The following ENTPD7 variants were observed in gnomAD, a reference collection of about 807,000 sequenced individuals.
ENTPD7 encodes NTPDase 7.
ENTPD7 carries 53 observed loss-of-function variants against 77.9 expected under a neutral mutation model. The ratio of observed to expected loss-of-function variants is 0.68; its 90% confidence interval spans 0.55 to 0.85. The LOEUF (loss-of-function observed/expected upper bound fraction) is 0.85, where lower values mean the gene tolerates loss of function less well. ENTPD7 is among the 40% of genes least tolerant of loss of function. ENTPD7 has a pLI of 0.00. For synonymous variants in ENTPD7, 248 were observed against 274.9 expected (o/e 0.90, Z 0.97); for missense variants, 636 against 743.7 (o/e 0.86, Z 1.68).
chr10:99,664,245 A>G (rs561863205), intron 3 of ENTPD7, among the ~76,000 whole-genome samples: 1 of 152,140 alleles, frequency 6.6e-6, no homozygotes, highest in African/African-American at 2.4e-5. Context: ...ATTATCTTCA[A>G]CATGATTTTC....
chr10:99,661,649 G>T, intron 3 of ENTPD7, 21 bp downstream of exon 3: 2 of 1,576,480 alleles, frequency 1.3e-6, no homozygotes, highest in South Asian at 1.2e-5. Context: ...TTTAGATTTT[G>T]GCACTCAAGT....
At chr10:99,675,628 G>A (rs1399410692) in intron 3 of ENTPD7, among the ~76,000 whole-genome samples, 12 of 135,242 alleles carry the variant, frequency 8.9e-5, no homozygotes, top group South Asian at 6.9e-4. Flanking sequence ...ATGGAGTCTC[G>A]CTCTGTTAAC....
chr10:99,700,830 A>G, intron 10 of ENTPD7, 143 bp from the exon 11 acceptor site: 1 of 720,764 alleles, frequency 1.4e-6, no homozygotes, highest in Non-Finnish European at 2.5e-6. Flanking sequence ...CGCAGTGTTT[A>G]GTGAATGAAC....
In ENTPD7 at chr10:99,698,748, G is replaced by A. The variant is rs1394716596; in HGVS notation, c.1225G>A (p.Asp409Asn). 1.2e-6 allele frequency: 2 copies of A among 1,614,208 alleles called. No homozygotes were observed. Among genetic ancestry groups the A allele is most frequent in the Admixed American group, 1.7e-5 (1 of 60,026 alleles). Residue 409 changes from aspartate to asparagine, a missense_variant, in exon 10 of 13, where the codon GAC (aspartate) becomes AAC (asparagine). This residue lies in a region of ENTPD7 where 486 missense variants were observed against 556.5 expected (regional missense o/e 0.87). Transcript: ENST00000370489. ...SLNGIYQSPIDFNNSEFYGFS... is the reference protein window; with the variant it reads ...SLNGIYQSPINFNNSEFYGFS... ...CAATGGCATATATCAATCGCCTATT[G>A]ACTTCAACAACAGCGAGTTCTACGG...
At chr10:99,663,200 T>C (rs189086386) in intron 3 of ENTPD7, among the ~76,000 whole-genome samples, 86 of 152,372 alleles carry the variant, frequency 5.6e-4, no homozygotes, top group African/African-American at 1.9e-3. Flanking sequence ...AAAGTCCCTA[T>C]TTTGCTTTCC....
In ENTPD7 at chr10:99,679,305, AC is replaced by A; in HGVS notation, c.239del (p.Pro80GlnfsTer3). ...VGELEATDTEDPNLNYGLVVD... is the reference protein window; with the variant it reads ...VGELEATDTEXPNLNYGLVVD... ...GAGCTTGAAGCTACTGACACTGAAG[AC>A]CCAAATCTGAATTATGGACTTGTTG... On this transcript the variant is annotated frameshift_variant, in exon 4 of 13. Coordinates refer to ENST00000370489, the MANE Select transcript of ENTPD7 (RefSeq NM_020354.5). LOFTEE classifies it high-confidence loss of function. The A allele has an allele frequency of 6.2e-7, 1 of 1,614,114 alleles. No individual in the cohort carries two copies. Among genetic ancestry groups the A allele is most frequent in the Non-Finnish European group, 8.5e-7 (1 of 1,180,022 alleles).
intron 11 of ENTPD7, among the ~76,000 whole-genome samples, 197 bp downstream of exon 11, chr10:99,701,255 CAG>C (rs1258237887): frequency 6.6e-6 from 1 of 151,464 alleles, no homozygotes; most frequent in African/African-American, 2.4e-5. Context: ...GGTTACCAAA[CAG>C]AGTTCTCAAC....
Position 99,660,248 on chromosome 10 carries a change from G to C in ENTPD7, c.8+284G>C, listed in dbSNP as rs905359389. 1.6e-5 allele frequency: 15 copies of C among 914,718 alleles called. No individual in the cohort carries two copies. The African/African-American group carries it at 2.7e-4, about 16-fold the overall frequency. The allele number at this position is 914,718 out of a possible 1,614,324, so 56.7% of individuals were successfully genotyped here. A position where few individuals can be genotyped will look rare whatever the true frequency, so the allele number is the denominator to read the frequency against. On this transcript the variant is annotated intron_variant, in intron 2 of 12. Transcript: ENST00000370489. ...TCAGATTCGCATCTGAGCAAGGCTA[G>C]GTGCCACTTGAGGAGGTTAAACAAA...
chr10:99,681,917 A>G (rs2133463809), intron 5 of ENTPD7, among the ~76,000 whole-genome samples: 1 of 152,316 alleles, frequency 6.6e-6, no homozygotes, highest in South Asian at 2.1e-4. Context: ...AGTTTCTAAA[A>G]TATTTTAAAG....
In ENTPD7 at chr10:99,702,635, G is replaced by C; in HGVS notation, c.1545G>C (p.Leu515=). Residue 515 remains leucine (L), a synonymous_variant, in exon 12 of 13, where the codon CTG becomes CTC. Transcript: ENST00000370489. ...LVYDREVQWT[L]GAILYKTRFL... ...ATGACCGAGAGGTTCAGTGGACGCT[G>C]GGAGCCATTCTATATAAAACACGAT... The C allele has an allele frequency of 6.2e-7, 1 of 1,613,598 alleles. No individual in the cohort carries two copies. Among genetic ancestry groups the C allele is most frequent in the Non-Finnish European group, 8.5e-7 (1 of 1,179,836 alleles).
chr10:99,700,306 C>T (rs920170797), intron 10 of ENTPD7, among the ~76,000 whole-genome samples: 1 of 152,082 alleles, frequency 6.6e-6, no homozygotes, highest in East Asian at 1.9e-4. Context: ...TCTGGGACCA[C>T]TCTATCCAAA....
At position 99,679,342 on chromosome 10, in the gene ENTPD7, C is replaced by T. The variant is rs769032311; in HGVS notation, c.273C>T (p.Gly91=). The stretch of plus-strand genomic sequence containing the variant: ...ATTATGGACTTGTTGTTGACTGTGG[C>T]AGCAGTGGTTCCCGGATTTTTGTTT... ...NLNYGLVVDC[G]SSGSRIFVYF... is the part of the protein sequence containing the mutation. The change falls in exon 4 of 13, where the codon GGC becomes GGT. Residue 91 remains glycine (G), a synonymous_variant. Coordinates refer to ENST00000370489, the MANE Select transcript of ENTPD7 (RefSeq NM_020354.5). 4.3e-6 allele frequency: 7 copies of T among 1,614,022 alleles called. No individual in the cohort carries two copies. Among genetic ancestry groups the T allele is most frequent in the African/African-American group, 1.3e-5 (1 of 74,896 alleles).
Position 99,709,741 on chromosome 10 carries a change from C to T in ENTPD7, c.*5058C>T, listed in dbSNP as rs2036326040. 1.0e-6 allele frequency: 1 copy of T among 985,198 alleles called. No homozygotes were observed. Among genetic ancestry groups the T allele is most frequent in the Non-Finnish European group, 1.2e-6 (1 of 829,846 alleles). 61.0% of individuals were successfully genotyped at this position (985,198 alleles called of 1,614,324 possible). A position where few individuals can be genotyped will look rare whatever the true frequency, so the allele number is the denominator to read the frequency against. ...CTTCATTTTAAGCCTGCTCTGTCTA[C>T]TTATCTTCCTTATATCCTAATAGAC... On this transcript the variant is annotated 3_prime_UTR_variant, in exon 13 of 13. Transcript: ENST00000370489.
chr10:99,698,347 C>T (rs1478407660), intron 9 of ENTPD7, among the ~76,000 whole-genome samples, 187 bp from the exon 10 acceptor site: 1 of 152,034 alleles, frequency 6.6e-6, no homozygotes, highest in Non-Finnish European at 1.5e-5. Flanking sequence ...ATATTCCTCT[C>T]TTTTTTTTCT....
rs1378222681 is a variant in ENTPD7, at chr10:99,709,921, G to T, written c.*5238G>T. On this transcript the variant is annotated 3_prime_UTR_variant, in exon 13 of 13. Coordinates refer to ENST00000370489, the MANE Select transcript of ENTPD7 (RefSeq NM_020354.5). ...GAGCAATACGGAGATCCTTTTATTA[G>T]TAAAACTGAATCATTACTCATACTA... is the stretch of plus-strand genomic sequence containing the variant. 1 of 985,366 alleles carries T rather than the reference G, an allele frequency of 1.0e-6. No individual in the cohort carries two copies. Among genetic ancestry groups the T allele is most frequent in the Non-Finnish European group, 1.2e-6 (1 of 829,886 alleles). The allele number at this position is 985,366 out of a possible 1,614,324, so 61.0% of individuals were successfully genotyped here.
chr10:99,703,955 G>C (rs2036195047), intron 12 of ENTPD7, among the ~76,000 whole-genome samples: 1 of 152,066 alleles, frequency 6.6e-6, no homozygotes, highest in African/African-American at 2.4e-5. Context: ...TGAACTCCTG[G>C]CTTCAAGCAA....
Position 99,705,708 on chromosome 10 carries a change from TAGA to T in ENTPD7, c.*1028_*1030del, listed in dbSNP as rs1330808457. ...GTTCTTATTAATTATTTCTGAGAAA[TAGA>T]AGTTTCTCAATTTATGACTCTTGGA... On this transcript the variant is annotated 3_prime_UTR_variant, in exon 13 of 13. Coordinates refer to ENST00000370489, the MANE Select transcript of ENTPD7 (RefSeq NM_020354.5). The T allele has an allele frequency of 6.6e-6, 1 of 152,244 alleles. No individual in the cohort carries two copies. The highest frequency in any genetic ancestry group is 1.5e-5 in the Non-Finnish European group (1 of 68,034). The allele number at this position is 152,244 out of a possible 1,614,324, so 9.4% of individuals were successfully genotyped here.
chr10:99,710,342 A>C lies in ENTPD7; in HGVS notation c.*5659A>C. On this transcript the variant is annotated 3_prime_UTR_variant, in exon 13 of 13. Coordinates refer to ENST00000370489, the MANE Select transcript of ENTPD7 (RefSeq NM_020354.5). ...TATTTGAAATTCTCATTCCACAATTACCCTTTAGTTGAAGTCCTGAAGTAC... is the reference window on the plus strand; with the variant it reads ...TATTTGAAATTCTCATTCCACAATTCCCCTTTAGTTGAAGTCCTGAAGTAC... 1 of 985,266 alleles carries C rather than the reference A, an allele frequency of 1.0e-6. No homozygotes were observed. Among genetic ancestry groups the C allele is most frequent in the Non-Finnish European group, 1.2e-6 (1 of 829,892 alleles). The allele number at this position is 985,266 out of a possible 1,614,324, so 61.0% of individuals were successfully genotyped here. A position where few individuals can be genotyped will look rare whatever the true frequency, so the allele number is the denominator to read the frequency against.
intron 3 of ENTPD7, among the ~76,000 whole-genome samples, chr10:99,668,738 A>G (rs1055334525): frequency 6.6e-6 from 1 of 152,220 alleles, no homozygotes; most frequent in African/African-American, 2.4e-5. Flanking sequence ...TGATTAAGCA[A>G]GTAACTAGGA....
Sources: allele counts gnomAD v4.1 joint callset (sites outside exome capture counted in the v4.1 genomes callset), GRCh38; gene constraint gnomAD v4.1.1; regional missense constraint gnomAD v4.1.1; transcripts MANE v1.5; gene names NCBI Gene and HGNC (gene_info 2026-07-23, HGNC 2026-07-21).